IPP: variants seen among roughly 807,000 people sequenced by gnomAD.
IPP encodes the protein intracisternal A particle-promoted polypeptide.
In IPP, 41 loss-of-function variants were observed where a neutral mutation model predicts 64.1. That is an observed-to-expected ratio of 0.64 (90% CI 0.50 to 0.83). The LOEUF (loss-of-function observed/expected upper bound fraction) is 0.83. Among genes scored for constraint, IPP ranks in the 40% least tolerant of loss-of-function variants. The pLI, the probability that IPP is intolerant of heterozygous loss-of-function variation, is 0.00. For synonymous variants in IPP, 214 were observed against 235.2 expected (o/e 0.91, Z 0.83); for missense variants, 649 against 703.0 (o/e 0.92, Z 0.87).
intron 8 of IPP, 25 bp from the exon 9 acceptor site, chr1:45,700,215 A>T (rs1173267400): frequency 6.4e-7 from 1 of 1,571,190 alleles, no homozygotes; most frequent in South Asian, 1.2e-5. Flanking sequence ...AAAAAAAAAT[A>T]TGTTAGCAGT....
At chr1:45,715,339 T>C (rs1043105838) in intron 7 of IPP, among the ~76,000 whole-genome samples, 3 of 152,100 alleles carry the variant, frequency 2.0e-5, no homozygotes, top group Non-Finnish European at 2.9e-5. Flanking sequence ...CAAAGAATTA[T>C]ATTTTAAGAA....
At chr1:45,722,371 T>C (rs28789495) in intron 5 of IPP, among the ~76,000 whole-genome samples, 43,130 of 151,098 alleles carry the variant, frequency 0.29, 6,260 homozygotes, top group South Asian at 0.37. Flanking sequence ...GCCAACATGG[T>C]GAAACCCCAT....
At chr1:45,726,310 T>C (rs138862596) in intron 5 of IPP, among the ~76,000 whole-genome samples, 42,630 of 151,486 alleles carry the variant, frequency 0.28, 6,126 homozygotes, top group South Asian at 0.37. Context: ...ATTACAAAAT[T>C]AGCCGGGCGT....
At chr1:45,743,272 C>G (rs1646091172) in intron 2 of IPP, among the ~76,000 whole-genome samples, 1 of 148,734 alleles carries the variant, frequency 6.7e-6, no homozygotes, top group South Asian at 2.1e-4. Flanking sequence ...GGCTCTTGCT[C>G]TGTTGCCCAG....
chr1:45,698,715 T>A lies in IPP; in HGVS notation c.*1251A>T. The A allele has an allele frequency of 1.5e-6, 1 of 686,186 alleles. No individual in the cohort carries two copies. Among genetic ancestry groups the A allele is most frequent in the Non-Finnish European group, 1.6e-6 (1 of 608,020 alleles). The allele number at this position is 686,186 out of a possible 1,614,324, so 42.5% of individuals were successfully genotyped here. A position where few individuals can be genotyped will look rare whatever the true frequency, so the allele number is the denominator to read the frequency against. The stretch of plus-strand genomic sequence containing the variant: ...CTAGCAAAAAAGGAAGAATTTTTTT[T>A]TCTTTTTTTTTTTTTTTTTTTGAGA... On this transcript the variant is annotated 3_prime_UTR_variant, in exon 9 of 9. Transcript: ENST00000396478.
intron 8 of IPP, among the ~76,000 whole-genome samples, chr1:45,713,641 T>C (rs925195199): frequency 6.6e-6 from 1 of 152,158 alleles, no homozygotes; most frequent in Non-Finnish European, 1.5e-5. Flanking sequence ...CACAGCTCAC[T>C]GCAGCCTTGA....
chr1:45,728,980 A>ATG (rs1365982327), intron 4 of IPP, among the ~76,000 whole-genome samples: 1 of 150,654 alleles, frequency 6.6e-6, no homozygotes, highest in Non-Finnish European at 1.5e-5. Context: ...ATATATATAT[A>ATG]TATAGGTATA....
chr1:45,709,033 C>CA (rs71058700), intron 8 of IPP, among the ~76,000 whole-genome samples: 41,609 of 58,006 alleles, frequency 0.72, 14,754 homozygotes, highest in Non-Finnish European at 0.75. Flanking sequence ...GACTCCATCT[C>CA]AAAAAAAAAA....
At chr1:45,694,790 G>A, downstream of IPP, 2 of 279,340 alleles carry the variant, frequency 7.2e-6, no homozygotes, top group Non-Finnish European at 6.7e-6. Flanking sequence ...TATTTTCAAA[G>A]GAAACTATTT....
intron 8 of IPP, among the ~76,000 whole-genome samples, chr1:45,706,375 A>G (rs151313300): frequency 9.9e-4 from 151 of 152,280 alleles, no homozygotes; most frequent in Admixed American, 3.7e-3. Flanking sequence ...CTAAATTGGG[A>G]GGATTACTTA....
chr1:45,739,784 G>A (rs1434034622), intron 3 of IPP, among the ~76,000 whole-genome samples: 1 of 146,142 alleles, frequency 6.8e-6, no homozygotes, highest in Non-Finnish European at 1.5e-5. Flanking sequence ...TTCTCCAAGT[G>A]TTAGGTTTTG....
At chr1:45,715,139 GA>G (rs1436329024) in intron 7 of IPP, among the ~76,000 whole-genome samples, 8 of 146,508 alleles carry the variant, frequency 5.5e-5, no homozygotes, top group African/African-American at 2.0e-4. Context: ...AGGTTACAGT[GA>G]GCCAAGATTG....
rs574449149 is a variant in IPP at position 45,708,344 on chromosome 1, G to A, written c.1530+5902C>T. On this transcript the variant is annotated intron_variant, in intron 8 of 8. Coordinates refer to ENST00000396478, the MANE Select transcript of IPP (RefSeq NM_005897.3). ...CTCCCAAAGTGCTGGAGTAACAGGC[G>A]TGAGCCACCGCGCCCAGCCCAGGGT... is the stretch of plus-strand genomic sequence containing the variant. Among the ~76,000 whole-genome samples, 315 of 150,938 alleles carry A rather than the reference G, an allele frequency of 2.1e-3. 2 individuals carry two copies. Among genetic ancestry groups the A allele is most frequent in the African/African-American group, 6.8e-3 (279 of 41,320 alleles).
Position 45,746,316 on chromosome 1 carries a change from A to G in IPP, c.96T>C (p.Asn32=). Residue 32 remains asparagine (N), a synonymous_variant, in exon 2 of 9, where the codon AAT becomes AAC. Coordinates refer to ENST00000396478, the MANE Select transcript of IPP (RefSeq NM_005897.3). ...LILAQINKMR[N]GQHFCDVQLQ... ...GCTGCACATCACAGAAATGCTGTCC[A>G]TTTCTCATCTTATTGATTTGGGCCA... The G allele has an allele frequency of 3.1e-6, 5 of 1,614,136 alleles. No individual in the cohort carries two copies. The highest frequency in any genetic ancestry group is 4.2e-6 in the Non-Finnish European group (5 of 1,179,998).
chr1:45,717,139 A>G (rs1459023525), intron 6 of IPP, 122 bp from the exon 7 acceptor site: 1 of 805,168 alleles, frequency 1.2e-6, no homozygotes, highest in Non-Finnish European at 1.9e-6. Context: ...CAAAGAGGTT[A>G]TCTGTTCCAC....
chr1:45,723,854 T>A (rs28617418), intron 5 of IPP, among the ~76,000 whole-genome samples: 43,101 of 151,524 alleles, frequency 0.28, 6,284 homozygotes, highest in South Asian at 0.37. Flanking sequence ...TAAAAATAAA[T>A]TAATTACAAT....
chr1:45,725,193 C>A (rs1200894667), intron 5 of IPP, among the ~76,000 whole-genome samples: 2 of 137,028 alleles, frequency 1.5e-5, no homozygotes, highest in Non-Finnish European at 1.6e-5. Flanking sequence ...GGCCAGCCGC[C>A]CCGTCCGGGA....
At chr1:45,697,586 T>C (rs1333926813), downstream of IPP, among the ~76,000 whole-genome samples, 3 of 152,106 alleles carry the variant, frequency 2.0e-5, no homozygotes, top group East Asian at 1.9e-4. Context: ...TGCTACCTAA[T>C]TCATTAATGC....
chr1:45,742,721 A>G (rs975626979), intron 2 of IPP, among the ~76,000 whole-genome samples: 10 of 151,380 alleles, frequency 6.6e-5, no homozygotes, highest in African/African-American at 2.4e-4. Flanking sequence ...TTTTTTTTTT[A>G]GAGACAGGGT....
Sources: allele counts gnomAD v4.1 joint callset (sites outside exome capture counted in the v4.1 genomes callset), GRCh38; gene constraint gnomAD v4.1.1; transcripts MANE v1.5; gene names NCBI Gene and HGNC (gene_info 2026-07-23, HGNC 2026-07-21).